XPO5: variants seen among roughly 807,000 people sequenced by gnomAD.
The protein encoded by XPO5 is exportin-5.
XPO5 carries 46 observed loss-of-function variants against 160.6 expected under a neutral mutation model. That is an observed-to-expected ratio of 0.29 (90% CI 0.23 to 0.37). The LOEUF (loss-of-function observed/expected upper bound fraction) is 0.37, where lower values mean the gene tolerates loss of function less well. Ranked by LOEUF, XPO5 falls within the 10% of genes least tolerant of loss-of-function variation. The pLI, the probability that XPO5 is intolerant of heterozygous loss-of-function variation, is 1.00. For missense variants in XPO5, 1,090 were observed against 1,463.9 expected (o/e 0.74, Z 4.17); for synonymous variants, 537 against 519.3 (o/e 1.03, Z -0.46).
Position 43,532,626 on chromosome 6 carries a change from GC to G in XPO5, c.2444-1052del, listed in dbSNP as rs544093670. 1.8e-4 allele frequency among the ~76,000 whole-genome samples: 27 copies of G among 152,248 alleles called. 1 individual carries two copies. In the East Asian group the frequency reaches 4.8e-3, roughly 27 times the overall value. On this transcript the variant is annotated intron_variant, in intron 21 of 31. Transcript: ENST00000265351. Reference sequence around the variant, plus strand: ...ACCTGCCATTCTGTTTGTCCAGAATGCCCAGCATTTCCTCATGCCCCTAACC... The same window carrying G: ...ACCTGCCATTCTGTTTGTCCAGAATGCCAGCATTTCCTCATGCCCCTAACC...
chr6:43,556,064 A>G (rs907366370), intron 12 of XPO5, 100 bp from the exon 13 acceptor site: 5 of 1,488,206 alleles, frequency 3.4e-6, no homozygotes, highest in Non-Finnish European at 4.5e-6. Context: ...AAAAGCATTC[A>G]AAGGAACTGT....
rs1043323038 is a variant in XPO5, at chr6:43,576,020, A to T, written c.-156T>A. 1 of 623,952 alleles carries T rather than the reference A, an allele frequency of 1.6e-6. No homozygotes were observed. Among genetic ancestry groups the T allele is most frequent in the Middle Eastern group, 2.9e-4 (1 of 3,426 alleles). 38.7% of individuals were successfully genotyped at this position (623,952 alleles called of 1,614,324 possible). A position where few individuals can be genotyped will look rare whatever the true frequency, so the allele number is the denominator to read the frequency against. ...GCGTTAGCAGCAACTCGCGCTGGGA[A>T]GAAGCCGGCGCTGCGCACGCGCCCG... On this transcript the variant is annotated 5_prime_UTR_variant, in exon 1 of 32. Coordinates refer to ENST00000265351, the MANE Select transcript of XPO5 (RefSeq NM_020750.3).
rs1186769386 is a variant in XPO5 at position 43,560,130 on chromosome 6, T to A, written c.1221+48A>T. ...CACCGCACCCAGCCTCAAAGTCTTATTATGTGTATTCACCTACATTCCACA... is the reference window on the plus strand; with the variant it reads ...CACCGCACCCAGCCTCAAAGTCTTAATATGTGTATTCACCTACATTCCACA... On this transcript the variant is annotated intron_variant, in intron 11 of 31. Coordinates refer to ENST00000265351, the MANE Select transcript of XPO5 (RefSeq NM_020750.3). The A allele has an allele frequency of 1.9e-6, 3 of 1,592,600 alleles. No homozygotes were observed. In the African/African-American group the frequency reaches 4.0e-5, roughly 21 times the overall value.
chr6:43,539,338 G>A (rs545544520), intron 20 of XPO5: 12 of 1,578,412 alleles, frequency 7.6e-6, no homozygotes, highest in Non-Finnish European at 1.0e-5. Context: ...CCTTGAACCT[G>A]GTGCGCTGGC....
chr6:43,532,885 C>CTA (rs1794070815), intron 21 of XPO5, among the ~76,000 whole-genome samples: 1 of 152,192 alleles, frequency 6.6e-6, no homozygotes, highest in East Asian at 1.9e-4. Context: ...TGGCTCATGC[C>CTA]TATAATCCTG....
chr6:43,556,118 T>C (rs1388341706), intron 12 of XPO5, 154 bp from the exon 13 acceptor site: 2 of 996,532 alleles, frequency 2.0e-6, no homozygotes, highest in Non-Finnish European at 2.8e-6. Context: ...TCAATAAAAC[T>C]TTATTAACGA....
chr6:43,567,271 A>C lies in XPO5; in HGVS notation c.732T>G (p.Thr244=). The change falls in exon 7 of 32, where the codon ACT becomes ACG. Residue 244 remains threonine, a synonymous_variant. Coordinates refer to ENST00000265351, the MANE Select transcript of XPO5 (RefSeq NM_020750.3). ...TCTCCAGGAGTTTACAGTTTTCAGC[A>C]GTGATGTGACTCATAGACACCCAGT... ...YIDWVSMSHI[T]AENCKLLEIL... is the part of the protein sequence containing the mutation. 1 of 1,613,996 alleles carries C rather than the reference A, an allele frequency of 6.2e-7. No homozygotes were observed. The highest frequency in any genetic ancestry group is 8.5e-7 in the Non-Finnish European group (1 of 1,179,886).
intron 6 of XPO5, among the ~76,000 whole-genome samples, chr6:43,567,936 A>C (rs1311578577): frequency 4.4e-5 from 6 of 136,220 alleles, no homozygotes; most frequent in African/African-American, 1.1e-4. Context: ...ACCCTGTGTC[A>C]AAAAAAAAAA....
rs536913508 is a variant in XPO5, at chr6:43,546,448, A to G, written c.2342+123T>C. On this transcript the variant is annotated intron_variant, in intron 20 of 31. Transcript: ENST00000265351. ...AAACTGAGACACCCTCTAGAAAGAA[A>G]TAAGACTTAAATCAATCCCTCATTA... 6.6e-5 allele frequency: 62 copies of G among 946,368 alleles called. No individual in the cohort carries two copies. In the South Asian group the frequency reaches 1.6e-3, roughly 25 times the overall value. The allele number at this position is 946,368 out of a possible 1,614,324, so 58.6% of individuals were successfully genotyped here. A position where few individuals can be genotyped will look rare whatever the true frequency, so the allele number is the denominator to read the frequency against.
chr6:43,575,921 G>C lies in XPO5; in HGVS notation c.-57C>G. 1 of 1,552,352 alleles carries C rather than the reference G, an allele frequency of 6.4e-7. No individual in the cohort carries two copies. Among genetic ancestry groups the C allele is most frequent in the Non-Finnish European group, 8.8e-7 (1 of 1,133,214 alleles). ...CTGCAGTCCCGGGACCACGAGGCAC[G>C]ACAGCTCCCTCGGCGAGACCACCCG... On this transcript the variant is annotated 5_prime_UTR_variant, in exon 1 of 32. Transcript: ENST00000265351.
chr6:43,564,222 C>T (rs1009371130), intron 8 of XPO5, among the ~76,000 whole-genome samples: 3 of 152,104 alleles, frequency 2.0e-5, no homozygotes, highest in Non-Finnish European at 2.9e-5. Context: ...GTACCTGGCC[C>T]GCTAAATTTA....
chr6:43,565,558 C>T, intron 8 of XPO5, 102 bp downstream of exon 8: 1 of 1,049,094 alleles, frequency 9.5e-7, no homozygotes. Context: ...GAGCGAGATC[C>T]ATCTCAAAAT....
At chr6:43,560,681 C>T (rs1561882699) in intron 10 of XPO5, among the ~76,000 whole-genome samples, 1 of 152,186 alleles carries the variant, frequency 6.6e-6, no homozygotes, top group African/African-American at 2.4e-5. Flanking sequence ...CTGGGACACA[C>T]CTCACATGTG....
At chr6:43,526,860 TGGG>T (rs994109892) in intron 26 of XPO5, 113 bp from the exon 27 acceptor site, 2 of 1,062,842 alleles carry the variant, frequency 1.9e-6, no homozygotes, top group Admixed American at 2.0e-5. Flanking sequence ...AGGAGGAAGA[TGGG>T]GGTACCGTCC....
intron 24 of XPO5, 31 bp from the exon 25 acceptor site, chr6:43,528,236 A>T: frequency 6.4e-7 from 1 of 1,568,458 alleles, no homozygotes; most frequent in Non-Finnish European, 8.7e-7. Context: ...TAAATGCTAG[A>T]ATTGGGGAAA....
chr6:43,570,030 T>TA (rs1554136866), intron 5 of XPO5, among the ~76,000 whole-genome samples: 3,254 of 129,066 alleles, frequency 0.025, 191 homozygotes, highest in African/African-American at 0.091. Flanking sequence ...TTTTTTTTTT[T>TA]AAAAAAGGCC....
chr6:43,529,347 C>G lies in XPO5; in HGVS notation c.2678-422G>C, dbSNP rs773034133. 3 of 484,746 alleles carry G rather than the reference C, an allele frequency of 6.2e-6. No individual in the cohort carries two copies. The East Asian group carries it at 1.9e-4, about 31-fold the overall frequency. 30.0% of individuals were successfully genotyped at this position (484,746 alleles called of 1,614,324 possible). A position where few individuals can be genotyped will look rare whatever the true frequency, so the allele number is the denominator to read the frequency against. On this transcript the variant is annotated intron_variant, in intron 23 of 31. Coordinates refer to ENST00000265351, the MANE Select transcript of XPO5 (RefSeq NM_020750.3). ...CACGGGGTCAAGAGAGCGAGACCAT[C>G]CTGGCTAACATGGTGAAACCCCGTC...
At position 43,522,649 on chromosome 6, in the gene XPO5, C is replaced by T. The variant is rs765328737; in HGVS notation, c.*1219G>A. On this transcript the variant is annotated 3_prime_UTR_variant, in exon 32 of 32. Coordinates refer to ENST00000265351, the MANE Select transcript of XPO5 (RefSeq NM_020750.3). ...AGCTTTGCTTCTTCTCAATCTGACC[C>T]TGCCTGTGGCCCGCACCAGCTAAAA... is the stretch of plus-strand genomic sequence containing the variant. 1 of 444,872 alleles carries T rather than the reference C, an allele frequency of 2.2e-6. No homozygotes were observed. The allele number at this position is 444,872 out of a possible 1,614,324, so 27.6% of individuals were successfully genotyped here. A position where few individuals can be genotyped will look rare whatever the true frequency, so the allele number is the denominator to read the frequency against.
In XPO5 at chr6:43,546,665, C is replaced by T. The variant is rs375413374; in HGVS notation, c.2248G>A (p.Val750Met). 5.0e-6 allele frequency: 8 copies of T among 1,613,720 alleles called. No homozygotes were observed. Among genetic ancestry groups the T allele is most frequent in the Non-Finnish European group, 5.9e-6 (7 of 1,179,816 alleles). ...DLEEAKAGGF[V>M]VGYTSSGNPI... ...TTTCCACTGGATGTATAACCCACCA[C>T]AAATCCCCCAGCTTTGGCCTCTTCT... is the stretch of plus-strand genomic sequence containing the variant. Residue 750 changes from valine to methionine, a missense_variant, in exon 20 of 32, where the codon GTG (valine) becomes ATG (methionine). Coordinates refer to ENST00000265351, the MANE Select transcript of XPO5 (RefSeq NM_020750.3).
Sources: allele counts gnomAD v4.1 joint callset (sites outside exome capture counted in the v4.1 genomes callset), GRCh38; gene constraint gnomAD v4.1.1; transcripts MANE v1.5; gene names NCBI Gene and HGNC (gene_info 2026-07-23, HGNC 2026-07-21).